The following NBEA variants were observed in gnomAD, a reference collection of about 807,000 sequenced individuals.
NBEA encodes the protein neurobeachin.
In NBEA, 44 loss-of-function variants were observed where a neutral mutation model predicts 343.4. The observed-to-expected ratio is 0.13, with a 90% confidence interval of 0.10 to 0.16. NBEA has a LOEUF of 0.16. Among genes scored for constraint, NBEA ranks in the 10% least tolerant of loss-of-function variants. NBEA has a pLI of 1.00. For synonymous variants in NBEA, 1,175 were observed against 1,238.7 expected, an observed-to-expected ratio of 0.95 and a Z score of 1.08; for missense variants, 2,555 against 3,631.3, an observed-to-expected ratio of 0.70 and a Z score of 7.62.
At chr13:35,228,775 C>T (rs1441648675) in intron 33 of NBEA, among the ~76,000 whole-genome samples, 1 of 151,992 alleles carries the variant, frequency 6.6e-6, no homozygotes, top group East Asian at 1.9e-4. Context: ...GCATCTTAAA[C>T]ACATCATTAG....
chr13:35,186,555 A>G (rs2071719193), intron 30 of NBEA: 1 of 152,152 alleles, frequency 6.6e-6, no homozygotes, highest in South Asian at 2.1e-4. Flanking sequence ...GTGTGACACT[A>G]CTTTCTCCTC....
chr13:35,584,123 A>C, intron 46 of NBEA, 85 bp downstream of exon 46: 1 of 1,277,332 alleles, frequency 7.8e-7, no homozygotes, highest in Non-Finnish European at 1.1e-6. Context: ...ATCAGTTGTA[A>C]TTTGATTAAC....
At chr13:35,521,717 A>G (rs1566260399) in intron 41 of NBEA, among the ~76,000 whole-genome samples, 1 of 152,182 alleles carries the variant, frequency 6.6e-6, no homozygotes, top group Non-Finnish European at 1.5e-5. Flanking sequence ...TCAAATTCCA[A>G]GGAGAGGGAA....
intron 48 of NBEA, among the ~76,000 whole-genome samples, chr13:35,626,287 G>T (rs917881231): frequency 6.6e-6 from 1 of 152,170 alleles, no homozygotes; most frequent in African/African-American, 2.4e-5. Context: ...CATGGTGGTG[G>T]AAGGAAATGA....
Position 35,551,012 on chromosome 13 carries a change from C to A in NBEA, c.6786C>A (p.Ser2262Arg). ...TGCCTCGGGTTGGAGTAGGGACCAG[C>A]TATGGTCTGCCACAAGCCAGGTAAT... Reference protein sequence around the residue: ...YSLPRVGVGTSYGLPQARRIS... With the variant: ...YSLPRVGVGTRYGLPQARRIS... The change falls in exon 43 of 59, where the codon AGC (serine) becomes AGA (arginine). Residue 2262 changes from serine (S) to arginine (R), a missense_variant. Transcript: ENST00000379939. The A allele has an allele frequency of 6.2e-7, 1 of 1,600,482 alleles. No individual in the cohort carries two copies. Among genetic ancestry groups the A allele is most frequent in the Non-Finnish European group, 8.6e-7 (1 of 1,168,848 alleles).
chr13:35,287,018 C>G (rs1170439763), intron 34 of NBEA, among the ~76,000 whole-genome samples: 2 of 152,040 alleles, frequency 1.3e-5, no homozygotes, highest in Non-Finnish European at 2.9e-5. Context: ...CTGACTTCAT[C>G]TTTCAACAAT....
At chr13:34,952,722 A>G (rs187083378) in intron 1 of NBEA, among the ~76,000 whole-genome samples, 2 of 152,290 alleles carry the variant, frequency 1.3e-5, no homozygotes, top group Non-Finnish European at 2.9e-5. Flanking sequence ...AGCAAATTTT[A>G]TGGGAGTAAA....
At position 35,432,276 on chromosome 13, in the gene NBEA, C is replaced by T. The variant is rs369339201; in HGVS notation, c.6187C>T (p.His2063Tyr). Residue 2063 changes from histidine to tyrosine, a missense_variant, in exon 39 of 59, where the codon CAT becomes TAT. Coordinates refer to ENST00000379939, the MANE Select transcript of NBEA (RefSeq NM_001385012.1). ...AWGAVSHSQL[H>Y]DFWRLDYWED... Reference sequence around the variant, plus strand: ...TTTTCCCTCTACTCTTAGCCAATTGCATGATTTCTGGCGTTTGGATTACTG... The same window carrying T: ...TTTTCCCTCTACTCTTAGCCAATTGTATGATTTCTGGCGTTTGGATTACTG... The T allele has an allele frequency of 6.1e-5, 98 of 1,598,522 alleles. No homozygotes were observed. Among genetic ancestry groups the T allele is most frequent in the Non-Finnish European group, 7.3e-5 (86 of 1,171,646 alleles).
intron 49 of NBEA, among the ~76,000 whole-genome samples, chr13:35,643,190 T>A (rs1454363420): frequency 2.0e-5 from 3 of 151,996 alleles, no homozygotes; most frequent in Non-Finnish European, 4.4e-5. Flanking sequence ...TCTTACTTAA[T>A]CTTCAAACCT....
chr13:35,027,383 C>CT (rs553757512), intron 1 of NBEA, among the ~76,000 whole-genome samples: 4,342 of 145,186 alleles, frequency 0.03, 88 homozygotes, highest in South Asian at 0.078. Context: ...GACAGATCCA[C>CT]TTTTTTTTTT....
In NBEA at chr13:35,509,467, C is replaced by T. The variant is rs547742183; in HGVS notation, c.6585+36931C>T. On this transcript the variant is annotated intron_variant, in intron 41 of 58. Transcript: ENST00000379939. ...GGGGGCAGGAGAGTCACTTTAAGTT[C>T]GTGGGCAAATGTATGAATGGTCCAT... Among the ~76,000 whole-genome samples, 3 of 152,052 alleles carry T rather than the reference C, an allele frequency of 2.0e-5. No individual in the cohort carries two copies. The South Asian group carries it at 6.3e-4, about 32-fold the overall frequency.
chr13:35,627,708 A>G (rs1010779629), intron 48 of NBEA, among the ~76,000 whole-genome samples: 1 of 152,192 alleles, frequency 6.6e-6, no homozygotes, highest in Non-Finnish European at 1.5e-5. Context: ...AAAATGAGAA[A>G]TGAAACTGTA....
intron 28 of NBEA, among the ~76,000 whole-genome samples, chr13:35,177,315 G>T (rs1007655723): frequency 2.0e-5 from 3 of 151,846 alleles, no homozygotes; most frequent in Non-Finnish European, 4.4e-5. Context: ...CTGAAATTTT[G>T]ATGTAAGTTG....
intron 45 of NBEA, among the ~76,000 whole-genome samples, chr13:35,572,216 T>C (rs2080469854): frequency 1.3e-5 from 2 of 152,220 alleles, no homozygotes; most frequent in Admixed American, 6.5e-5. Flanking sequence ...ACATGATATA[T>C]GCTAGGGCTT....
In NBEA at chr13:34,942,385, G is replaced by C. The variant is rs11840309; in HGVS notation, c.-436G>C. On this transcript the variant is annotated 5_prime_UTR_variant, in exon 1 of 59. Transcript: ENST00000379939. ...CGGCGGCAGCAGCGTCAATAGCATC[G>C]GCCACAGCCTGAGCTTCAGCACCGG... 1.3e-5 allele frequency: 2 copies of C among 153,928 alleles called. No individual in the cohort carries two copies. Among genetic ancestry groups the C allele is most frequent in the Admixed American group, 6.5e-5 (1 of 15,290 alleles). The allele number at this position is 153,928 out of a possible 1,614,324, so 9.5% of individuals were successfully genotyped here.
intron 38 of NBEA, among the ~76,000 whole-genome samples, chr13:35,370,884 G>T (rs1436272091): frequency 2.1e-5 from 3 of 142,810 alleles, no homozygotes; most frequent in Admixed American, 1.5e-4. Flanking sequence ...GAATAACTTT[G>T]CTGGGTAAAG....
intron 1 of NBEA, among the ~76,000 whole-genome samples, chr13:34,953,807 G>T (rs1341925001): frequency 6.6e-6 from 1 of 152,194 alleles, no homozygotes; most frequent in Non-Finnish European, 1.5e-5. Flanking sequence ...GAACTGGGCC[G>T]CACAGCAGAA....
At chr13:35,617,411 A>G (rs2082783161) in intron 48 of NBEA, among the ~76,000 whole-genome samples, 1 of 152,198 alleles carries the variant, frequency 6.6e-6, no homozygotes, top group Non-Finnish European at 1.5e-5. Flanking sequence ...CTCACTTGAA[A>G]AGTGCTTATT....
intron 29 of NBEA, among the ~76,000 whole-genome samples, chr13:35,183,010 T>C (rs1470725285): frequency 1.3e-5 from 2 of 151,988 alleles, no homozygotes; most frequent in African/African-American, 4.8e-5. Flanking sequence ...TAATCAAACA[T>C]GTGTTCTAAA....
Sources: allele counts gnomAD v4.1 joint callset (sites outside exome capture counted in the v4.1 genomes callset), GRCh38; gene constraint gnomAD v4.1.1; transcripts MANE v1.5; gene names NCBI Gene and HGNC (gene_info 2026-07-23, HGNC 2026-07-21).